The following TMEM51 variants were observed in gnomAD, a reference collection of about 807,000 sequenced individuals.
TMEM51 encodes the protein transmembrane protein 51, also known as chromosome 1 open reading frame 72.
Under a neutral mutation model 13.6 loss-of-function variants are expected in TMEM51, and 8 were observed. The ratio of observed to expected loss-of-function variants is 0.59; its 90% CI spans 0.35 to 1.07. The LOEUF is 1.07. TMEM51 is among the 50% of genes least tolerant of loss of function. The pLI is 0.02. For synonymous variants in TMEM51, 147 were observed against 144.4 expected, an observed-to-expected ratio of 1.02 and a Z score of -0.13; for missense variants, 279 against 330.7, an observed-to-expected ratio of 0.84 and a Z score of 1.21.
chr1:15,171,415 G>A, intron 1 of TMEM51: 3 of 1,050,222 alleles, frequency 2.9e-6, no homozygotes, highest in Non-Finnish European at 3.8e-6. Context: ...CAGGGGCATC[G>A]CCACCTGGCC....
chr1:15,164,153 G>A lies in TMEM51; in HGVS notation c.-267+10199G>A, dbSNP rs10927692. Among the ~76,000 whole-genome samples the A allele has an allele frequency of 2.0e-3, 309 of 152,022 alleles. 6 individuals are homozygous for A. Among genetic ancestry groups the A allele is most frequent in the African/African-American group, 7.1e-3 (295 of 41,404 alleles). On this transcript the variant is annotated intron_variant, in intron 1 of 3. Coordinates refer to ENST00000376008, the MANE Select transcript of TMEM51 (RefSeq NM_001136218.2). ...CCTAATGTTGGCATCTTACATAATC[G>A]TATTATACTTATCAAAGCTAAGAAA...
rs77591306 is a variant in TMEM51, at chr1:15,174,652, C to T, written c.-267+20698C>T. Among the ~76,000 whole-genome samples, 50 of 152,286 alleles carry T rather than the reference C, an allele frequency of 3.3e-4. No homozygotes were observed. In the East Asian group the frequency reaches 9.6e-3, roughly 29 times the overall value. On this transcript the variant is annotated intron_variant, in intron 1 of 3. Coordinates refer to ENST00000376008, the MANE Select transcript of TMEM51 (RefSeq NM_001136218.2). ...CTATGTCAGTAAAGGGCTCAGGTTG[C>T]CATATAAATATCATACACTGGGTGG...
intron 1 of TMEM51, among the ~76,000 whole-genome samples, chr1:15,162,712 C>A (rs561273824): frequency 1.3e-5 from 2 of 152,180 alleles, no homozygotes; most frequent in South Asian, 2.1e-4. Context: ...TGACACCATG[C>A]TGCAACATGG....
rs551895161 is a variant in TMEM51, at chr1:15,207,204, G to A, written c.-266-3286G>A. ...CTCAAGGAGCCCCTCTGTCATGGGG[G>A]TTGGTAGCACCGCCAGCCGCCTCCG... On this transcript the variant is annotated intron_variant, in intron 1 of 3. Transcript: ENST00000376008. The surrounding 1 kb of genome is among the most constrained non-coding windows in gnomAD (Gnocchi z 4.6). Among the ~76,000 whole-genome samples the A allele has an allele frequency of 4.5e-4, 69 of 152,284 alleles. No individual in the cohort carries two copies. The highest frequency in any genetic ancestry group is 9.0e-4 in the Non-Finnish European group (61 of 68,018).
intron 1 of TMEM51, among the ~76,000 whole-genome samples, chr1:15,162,840 T>C (rs1642831809): frequency 6.6e-6 from 1 of 152,028 alleles, no homozygotes; most frequent in South Asian, 2.1e-4. Flanking sequence ...AGAATGTTGG[T>C]TGCCAGGGGC....
rs1642553309 is a variant in TMEM51, at chr1:15,155,329, GTGT to G, written c.-267+1378_-267+1380del. Among the ~76,000 whole-genome samples the G allele has an allele frequency of 2.0e-5, 3 of 152,334 alleles. No individual in the cohort carries two copies. The South Asian group carries it at 6.2e-4, about 32-fold the overall frequency. On this transcript the variant is annotated intron_variant, in intron 1 of 3. Transcript: ENST00000376008. Reference sequence around the variant, plus strand: ...AGGGAGTCAGGGATACTCATGAAAAGTGTTGCAGAATTGGCGATACAGTCAGGC... The same window carrying G: ...AGGGAGTCAGGGATACTCATGAAAAGTGCAGAATTGGCGATACAGTCAGGC...
rs199867718 is a variant in TMEM51 at position 15,198,409 on chromosome 1, CA to C, written c.-266-12077del. Reference sequence around the variant, plus strand: ...ACGGATATTGGGAACCACAAATAGGCAAAATTAGTATTACTATTATTTTTTG... The same window carrying C: ...ACGGATATTGGGAACCACAAATAGGCAAATTAGTATTACTATTATTTTTTG... On this transcript the variant is annotated intron_variant, in intron 1 of 3. Coordinates refer to ENST00000376008, the MANE Select transcript of TMEM51 (RefSeq NM_001136218.2). Among the ~76,000 whole-genome samples the C allele has an allele frequency of 2.1e-3, 325 of 152,172 alleles. 2 individuals carry two copies. Among genetic ancestry groups the C allele is most frequent in the African/African-American group, 7.5e-3 (313 of 41,516 alleles).
At chr1:15,166,877 A>T (rs6673123) in intron 1 of TMEM51, among the ~76,000 whole-genome samples, 91,017 of 151,714 alleles carry the variant, frequency 0.6, 28,036 homozygotes, top group East Asian at 0.92. Context: ...CCCCCAAAAT[A>T]CTCTCCTGCT....
intron 1 of TMEM51, among the ~76,000 whole-genome samples, chr1:15,178,886 G>A (rs17381857): frequency 0.053 from 8,074 of 152,346 alleles, 303 homozygotes; most frequent in Non-Finnish European, 0.083. Context: ...TGATGCCTTG[G>A]CAGCCGGAAC....
intron 1 of TMEM51, among the ~76,000 whole-genome samples, chr1:15,185,954 C>G (rs774761123): frequency 1.1e-4 from 16 of 152,118 alleles, no homozygotes; most frequent in Non-Finnish European, 1.9e-4. Flanking sequence ...CCATTAGAAC[C>G]CCAAGCAAGG....
intron 1 of TMEM51, among the ~76,000 whole-genome samples, chr1:15,164,948 G>A (rs1642939305): frequency 6.6e-6 from 1 of 151,838 alleles, no homozygotes; most frequent in Non-Finnish European, 1.5e-5. Context: ...GACTACAGGT[G>A]CGCGCCACCA....
chr1:15,164,928 G>A lies in TMEM51; in HGVS notation c.-267+10974G>A, dbSNP rs372854774. 4.6e-5 allele frequency among the ~76,000 whole-genome samples: 7 copies of A among 150,942 alleles called. No homozygotes were observed. In the East Asian group the frequency reaches 7.8e-4, roughly 17 times the overall value. ...AGCAATTCTTCTGCCTCAGCCTCCC[G>A]AGTAGCTGGGACTACAGGTGCGCGC... On this transcript the variant is annotated intron_variant, in intron 1 of 3. Coordinates refer to ENST00000376008, the MANE Select transcript of TMEM51 (RefSeq NM_001136218.2).
chr1:15,210,082 T>C (rs541404857), intron 1 of TMEM51, among the ~76,000 whole-genome samples: 1 of 152,010 alleles, frequency 6.6e-6, no homozygotes, highest in Non-Finnish European at 1.5e-5. Flanking sequence ...GAGGGAAGCA[T>C]GGATTCCATT....
intron 1 of TMEM51, among the ~76,000 whole-genome samples, chr1:15,166,456 C>T (rs1412279231): frequency 6.6e-6 from 1 of 152,218 alleles, no homozygotes; most frequent in African/African-American, 2.4e-5. Context: ...CACGGTGGCT[C>T]ACACTGTAAT....
rs191756473 is a variant in TMEM51 at position 15,217,755 on chromosome 1, G to A, written c.345-1571G>A. On this transcript the variant is annotated intron_variant, in intron 3 of 3. Coordinates refer to ENST00000376008, the MANE Select transcript of TMEM51 (RefSeq NM_001136218.2). ...TTGCTCTGACTTTGGGTCTATCTAG[G>A]GCCTCCATGGGTTGGATGGTGCCAC... Among the ~76,000 whole-genome samples the A allele has an allele frequency of 1.9e-3, 287 of 152,122 alleles. 1 individual carries two copies. Among genetic ancestry groups the A allele is most frequent in the Non-Finnish European group, 2.4e-3 (166 of 68,012 alleles).
rs1284777535 is a variant in TMEM51, at chr1:15,161,040, G to T, written c.-267+7086G>T. Reference sequence around the variant, plus strand: ...CTGAAATGGGGAGCGGGGAGGGCAGGTGCAGCCGCCACCGCCAAAGGTCTT... The same window carrying T: ...CTGAAATGGGGAGCGGGGAGGGCAGTTGCAGCCGCCACCGCCAAAGGTCTT... On this transcript the variant is annotated intron_variant, in intron 1 of 3. Transcript: ENST00000376008. This position sits in a 1 kb window ranked among gnomAD's most constrained non-coding sequence, Gnocchi z 4.0. Among the ~76,000 whole-genome samples, 1 of 152,024 alleles carries T rather than the reference G, an allele frequency of 6.6e-6. No individual in the cohort carries two copies. The highest frequency in any genetic ancestry group is 1.9e-4 in the East Asian group (1 of 5,186).
chr1:15,190,567 C>A lies in TMEM51; in HGVS notation c.-266-19923C>A, dbSNP rs375273589. Among the ~76,000 whole-genome samples, 10 of 152,148 alleles carry A rather than the reference C, an allele frequency of 6.6e-5. No individual in the cohort carries two copies. In the East Asian group the frequency reaches 1.2e-3, roughly 18 times the overall value. On this transcript the variant is annotated intron_variant, in intron 1 of 3. Coordinates refer to ENST00000376008, the MANE Select transcript of TMEM51 (RefSeq NM_001136218.2). ...ATTATACAGGATTGTGCCTGTGGCC[C>A]TTGTGGTAGGCTAAATAATGCTCCC... is the stretch of plus-strand genomic sequence containing the variant.
intron 2 of TMEM51, among the ~76,000 whole-genome samples, chr1:15,211,656 C>T (rs1002428103): frequency 1.3e-5 from 2 of 152,012 alleles, no homozygotes; most frequent in Non-Finnish European, 2.9e-5. Context: ...GGATGTGAGC[C>T]CAGGAAGCCT....
At chr1:15,206,786 C>T (rs1271586001) in intron 1 of TMEM51, among the ~76,000 whole-genome samples, 3 of 152,186 alleles carry the variant, frequency 2.0e-5, no homozygotes, top group Non-Finnish European at 4.4e-5. Flanking sequence ...TTCTTTTTCC[C>T]ATCAGCTCTC....
Sources: allele counts gnomAD v4.1 joint callset (sites outside exome capture counted in the v4.1 genomes callset), GRCh38; gene constraint gnomAD v4.1.1; non-coding constraint Gnocchi (gnomAD v3.1); transcripts MANE v1.5; gene names NCBI Gene and HGNC (gene_info 2026-07-23, HGNC 2026-07-21).